The following HMGA2 variants were observed in gnomAD, a reference collection of about 807,000 sequenced individuals.
HMGA2 encodes the protein high mobility group AT-hook 2, also known as high mobility group protein HMGI-C.
Under a neutral mutation model 19.1 loss-of-function variants are expected in HMGA2, and 8 were observed. That is an observed-to-expected ratio of 0.42 (90% confidence interval 0.25 to 0.76). The LOEUF (loss-of-function observed/expected upper bound fraction) is 0.76, where lower values mean the gene tolerates loss of function less well. HMGA2 is among the 30% of genes least tolerant of loss of function. The pLI is 0.28. For synonymous variants in HMGA2, 60 were observed against 48.8 expected (o/e 1.23, Z -0.96); for missense variants, 109 against 136.3 (o/e 0.80, Z 1.00).
intron 3 of HMGA2, among the ~76,000 whole-genome samples, chr12:65,909,863 T>C (rs1874767676): frequency 1.3e-5 from 2 of 152,210 alleles, no homozygotes; most frequent in Admixed American, 6.5e-5. Context: ...AACCCAGCTG[T>C]TCAGGTGGAG....
At chr12:65,936,835 C>A (rs1038115240) in intron 3 of HMGA2, among the ~76,000 whole-genome samples, 3 of 152,180 alleles carry the variant, frequency 2.0e-5, no homozygotes, top group Non-Finnish European at 4.4e-5. Flanking sequence ...GGTCACACAG[C>A]TTACGCATAC....
chr12:65,829,935 C>T (rs1046361161), intron 2 of HMGA2, among the ~76,000 whole-genome samples: 2 of 151,944 alleles, frequency 1.3e-5, no homozygotes. Flanking sequence ...GACCCCCCTA[C>T]GCCGCTCATC....
chr12:65,957,047 T>C (rs2121322575), intron 4 of HMGA2: 1 of 152,324 alleles, frequency 6.6e-6, no homozygotes, highest in Non-Finnish European at 1.5e-5. Context: ...AGAGAAATTG[T>C]TAACTTACTG....
chr12:65,848,756 T>C (rs989903056), intron 3 of HMGA2, among the ~76,000 whole-genome samples: 2 of 151,782 alleles, frequency 1.3e-5, no homozygotes, highest in South Asian at 4.2e-4. Context: ...CTCGGGAGGC[T>C]GAGGCAGGAG....
At chr12:65,888,664 T>C (rs183052173) in intron 3 of HMGA2, among the ~76,000 whole-genome samples, 1,698 of 136,588 alleles carry the variant, frequency 0.012, 32 homozygotes, top group African/African-American at 0.043. Flanking sequence ...CCCGGGTTCA[T>C]GCCATTCTCC....
intron 3 of HMGA2, among the ~76,000 whole-genome samples, chr12:65,852,149 C>G (rs1242416200): frequency 1.4e-5 from 2 of 147,542 alleles, no homozygotes; most frequent in Non-Finnish European, 3.0e-5. Flanking sequence ...ATAATTTGTA[C>G]AAATAAAGCA....
At chr12:65,829,143 T>C (rs1356763751) in intron 2 of HMGA2, 1 of 152,152 alleles carries the variant, frequency 6.6e-6, no homozygotes, top group African/African-American at 2.4e-5. Context: ...TGTGATTTTC[T>C]TTGTGACTGT....
chr12:65,908,930 A>G (rs1874721859), intron 3 of HMGA2, among the ~76,000 whole-genome samples: 2 of 152,128 alleles, frequency 1.3e-5, no homozygotes, highest in South Asian at 4.1e-4. Flanking sequence ...ATATCCTACC[A>G]TCATCTTAAA....
intron 3 of HMGA2, chr12:65,881,869 G>A (rs1375472899): frequency 1.4e-6 from 1 of 702,786 alleles, no homozygotes; most frequent in Non-Finnish European, 2.6e-6. Flanking sequence ...CTTGCACTCA[G>A]AGGTGGCCCG....
intron 3 of HMGA2, chr12:65,842,474 C>G (rs1365055502): frequency 1.2e-6 from 1 of 829,478 alleles, no homozygotes; most frequent in Non-Finnish European, 1.9e-6. Context: ...GTCAGACTAA[C>G]CAAGTACCCT....
rs1482289390 is a variant in HMGA2, at chr12:65,825,628, G to C, written c.111+247G>C. ...CCCGGGGAAGGCGGGAGGTGGGGTC[G>C]GGCGAAGCGCGTCCTCGGACTTTCG... On this transcript the variant is annotated intron_variant, in intron 1 of 4. Transcript: ENST00000403681. The surrounding 1 kb of genome is among the most constrained non-coding windows in gnomAD (Gnocchi z 4.4). Among the ~76,000 whole-genome samples the C allele has an allele frequency of 6.6e-6, 1 of 151,720 alleles. No individual in the cohort carries two copies.
chr12:65,862,711 T>C (rs979977886), intron 3 of HMGA2, among the ~76,000 whole-genome samples: 1 of 152,176 alleles, frequency 6.6e-6, no homozygotes, highest in Non-Finnish European at 1.5e-5. Context: ...GAAACACTCA[T>C]GTACTTAGTG....
rs74348391 is a variant in HMGA2, at chr12:65,949,452, G to T, written c.250-1931G>T. ...TATTTGGGAGAACTGGTGCAAGAAA[G>T]CATGTCGCTATCCACATCAGAGTAC... is the stretch of plus-strand genomic sequence containing the variant. On this transcript the variant is annotated intron_variant, in intron 3 of 4. Transcript: ENST00000403681. Among the ~76,000 whole-genome samples the T allele has an allele frequency of 2.9e-3, 440 of 152,258 alleles. 4 individuals are homozygous for T. The highest frequency in any genetic ancestry group is 6.8e-3 in the Middle Eastern group (2 of 294).
At chr12:65,834,562 C>T (rs1202653746) in intron 2 of HMGA2, among the ~76,000 whole-genome samples, 1 of 129,296 alleles carries the variant, frequency 7.7e-6, no homozygotes, top group African/African-American at 2.8e-5. Context: ...TTCCTTCTTT[C>T]CTTCCCTCCC....
intron 3 of HMGA2, among the ~76,000 whole-genome samples, chr12:65,898,171 T>C: frequency 6.6e-6 from 1 of 152,164 alleles, no homozygotes; most frequent in East Asian, 1.9e-4. Flanking sequence ...GTCGTGATGC[T>C]GTTTAACAGC....
intron 3 of HMGA2, among the ~76,000 whole-genome samples, chr12:65,885,766 A>G (rs1873631313): frequency 6.6e-6 from 1 of 152,250 alleles, no homozygotes; most frequent in Admixed American, 6.5e-5. Flanking sequence ...AACAACAATG[A>G]TAAGAAAAGA....
chr12:65,838,621 T>C, intron 3 of HMGA2, 52 bp downstream of exon 3: 1 of 1,304,390 alleles, frequency 7.7e-7, no homozygotes, highest in Non-Finnish European at 1.1e-6. Flanking sequence ...AAATTTCTGT[T>C]GTATTAAATG....
At chr12:65,882,250 A>T in intron 3 of HMGA2, 1 of 292,022 alleles carries the variant, frequency 3.4e-6, no homozygotes, top group East Asian at 8.1e-5. Context: ...TTTTCTGTTC[A>T]TACTGAAGCA....
chr12:65,931,605 A>G (rs924961822), intron 3 of HMGA2, among the ~76,000 whole-genome samples: 2 of 148,882 alleles, frequency 1.3e-5, no homozygotes, highest in Non-Finnish European at 3.0e-5. Context: ...GTGCGTATCA[A>G]TATATCCAGA....
Sources: allele counts gnomAD v4.1 joint callset (sites outside exome capture counted in the v4.1 genomes callset), GRCh38; gene constraint gnomAD v4.1.1; non-coding constraint Gnocchi (gnomAD v3.1); transcripts MANE v1.5; gene names NCBI Gene and HGNC (gene_info 2026-07-23, HGNC 2026-07-21).